APELA: variants seen among roughly 807,000 people sequenced by gnomAD.
APELA encodes the protein apelin receptor early endogenous ligand, also known as protein Elabela.
chr4:164,879,926 T>C (rs1240036560), intron 2 of APELA, among the ~76,000 whole-genome samples: 1 of 152,240 alleles, frequency 6.6e-6, no homozygotes. Context: ...TCCCTTTTCT[T>C]GTTTTTACAC....
At chr4:164,878,099 A>G (rs1470013783) in intron 1 of APELA, among the ~76,000 whole-genome samples, 1 of 151,700 alleles carries the variant, frequency 6.6e-6, no homozygotes, top group Non-Finnish European at 1.5e-5. Flanking sequence ...TTACTTCAAA[A>G]CCAAACAGCT....
chr4:164,879,265 G>C, intron 2 of APELA: 1 of 315,232 alleles, frequency 3.2e-6, no homozygotes, highest in East Asian at 4.9e-5. Flanking sequence ...CTGAGTAACA[G>C]CTATTTGGGG....
intron 2 of APELA, among the ~76,000 whole-genome samples, chr4:164,879,571 A>C (rs921120955): frequency 2.6e-5 from 4 of 152,244 alleles, no homozygotes; most frequent in African/African-American, 7.2e-5. Flanking sequence ...CAGCCCCCCA[A>C]GTAGCTGGGA....
intron 2 of APELA, among the ~76,000 whole-genome samples, chr4:164,884,076 A>G (rs1467900273): frequency 6.8e-6 from 1 of 147,890 alleles, no homozygotes; most frequent in African/African-American, 2.5e-5. Context: ...AAGGAGAGAA[A>G]GAAAGAAGGA....
At chr4:164,883,641 C>T (rs373012271) in intron 2 of APELA, among the ~76,000 whole-genome samples, 114 of 151,964 alleles carry the variant, frequency 7.5e-4, no homozygotes, top group African/African-American at 2.6e-3. Flanking sequence ...TGTGTGCCAA[C>T]GTGCTTGGCT....
chr4:164,889,929 A>G (rs887897344), intron 2 of APELA, among the ~76,000 whole-genome samples: 2 of 152,222 alleles, frequency 1.3e-5, no homozygotes, highest in Non-Finnish European at 2.9e-5. Flanking sequence ...CGGAAGGCTA[A>G]GTGTAATTTA....
downstream of APELA, among the ~76,000 whole-genome samples, chr4:164,898,181 G>T (rs901208521): frequency 2.0e-5 from 3 of 151,648 alleles, no homozygotes; most frequent in Admixed American, 6.6e-5. Context: ...GTGAGCCACT[G>T]CACCCAGCCT....
intron 2 of APELA, among the ~76,000 whole-genome samples, chr4:164,888,093 T>C (rs2111062046): frequency 6.6e-6 from 1 of 152,318 alleles, no homozygotes; most frequent in African/African-American, 2.4e-5. Flanking sequence ...CTGCAAGGTA[T>C]AATAAAATGT....
At chr4:164,887,186 T>C (rs1730791822) in intron 2 of APELA, among the ~76,000 whole-genome samples, 1 of 152,204 alleles carries the variant, frequency 6.6e-6, no homozygotes, top group South Asian at 2.1e-4. Context: ...ATTCTTTCCA[T>C]AGATAGCTAA....
At chr4:164,877,723 C>T (rs1384147647) in intron 1 of APELA, among the ~76,000 whole-genome samples, 1 of 152,108 alleles carries the variant, frequency 6.6e-6, no homozygotes, top group Non-Finnish European at 1.5e-5. Context: ...TTCGTCTATT[C>T]ATTATAAAGG....
intron 2 of APELA, among the ~76,000 whole-genome samples, chr4:164,879,537 C>T (rs1730619900): frequency 6.6e-6 from 1 of 152,148 alleles, no homozygotes; most frequent in Admixed American, 6.6e-5. Context: ...CTCAACCTCC[C>T]GGGCTCAAGT....
At chr4:164,884,777 G>T (rs1356450168) in intron 2 of APELA, among the ~76,000 whole-genome samples, 3 of 152,112 alleles carry the variant, frequency 2.0e-5, no homozygotes, top group Admixed American at 2.0e-4. Context: ...ATAGTAGTTA[G>T]ACTTATTATT....
intron 1 of APELA, among the ~76,000 whole-genome samples, chr4:164,878,502 C>T (rs1287335584): frequency 2.6e-5 from 4 of 152,206 alleles, no homozygotes; most frequent in Non-Finnish European, 4.4e-5. Context: ...TTGATCCCTT[C>T]TCATTGTTTA....
downstream of APELA, among the ~76,000 whole-genome samples, chr4:164,898,243 T>A (rs1731014020): frequency 3.3e-5 from 5 of 151,368 alleles, no homozygotes; most frequent in South Asian, 1.1e-3. Flanking sequence ...GGCTCACACC[T>A]GTAATCCCAG....
Position 164,896,505 on chromosome 4 carries a change from CTG to C in APELA, c.*1093_*1094del, listed in dbSNP as rs1366694710. ...AATGAAGTCCCACTCAGGGTGATAT[CTG>C]TATCTAAAAGATGAGTGCTCATCAT... On this transcript the variant is annotated 3_prime_UTR_variant, in exon 3 of 3. Coordinates refer to ENST00000507152, the MANE Select transcript of APELA (RefSeq NM_001297550.2). 3.3e-5 allele frequency: 5 copies of C among 151,776 alleles called. No homozygotes were observed. Among genetic ancestry groups the C allele is most frequent in the African/African-American group, 1.2e-4 (5 of 41,314 alleles). 9.4% of individuals were successfully genotyped at this position (151,776 alleles called of 1,614,324 possible). A position where few individuals can be genotyped will look rare whatever the true frequency, so the allele number is the denominator to read the frequency against.
At chr4:164,887,728 C>A (rs1284808355) in intron 2 of APELA, among the ~76,000 whole-genome samples, 2 of 152,048 alleles carry the variant, frequency 1.3e-5, no homozygotes, top group Non-Finnish European at 2.9e-5. Context: ...TCTCCTGCCT[C>A]AGCCTCCTGA....
intron 1 of APELA, among the ~76,000 whole-genome samples, chr4:164,877,649 A>C (rs1730579270): frequency 6.6e-6 from 1 of 152,230 alleles, no homozygotes; most frequent in Non-Finnish European, 1.5e-5. Flanking sequence ...CTAAATGCCA[A>C]GAAAATAGAT....
intron 2 of APELA, among the ~76,000 whole-genome samples, chr4:164,883,752 C>T (rs1730704888): frequency 6.6e-6 from 1 of 151,706 alleles, no homozygotes; most frequent in Non-Finnish European, 1.5e-5. Flanking sequence ...TCCCAAAGTG[C>T]TGGGATTACA....
At chr4:164,884,721 C>G (rs1027155167) in intron 2 of APELA, among the ~76,000 whole-genome samples, 4 of 152,126 alleles carry the variant, frequency 2.6e-5, no homozygotes, top group Non-Finnish European at 5.9e-5. Context: ...TGTTATGGCC[C>G]TTATCCTATC....
Sources: gnomAD v4.1 joint callset for allele counts (sites outside exome capture counted in the v4.1 genomes callset) on GRCh38, gnomAD v4.1.1 for gene constraint, MANE v1.5 for transcripts, NCBI Gene and HGNC (gene_info 2026-07-23, HGNC 2026-07-21) for gene names.